OR6N1: variants seen among roughly 807,000 people sequenced by gnomAD.
OR6N1 encodes olfactory receptor 6N1.
For synonymous variants in OR6N1, 170 were observed against 150.7 expected (o/e 1.13, Z -0.94); for missense variants, 394 against 371.7 (o/e 1.06, Z -0.49).
chr1:158,808,121 CTTTTTTTTTTTTTTT>C, the OR6N1 span, among the ~76,000 whole-genome samples: 4 of 39,548 alleles, frequency 1.0e-4, no homozygotes, highest in Non-Finnish European at 1.9e-4. Context: ...CAATGACTGC[CTTTTTTTTTTTTTTT>C]TTTTTTTTTT....
the OR6N1 span, among the ~76,000 whole-genome samples, chr1:158,835,889 CA>C: frequency 4.0e-3 from 609 of 151,604 alleles, 6 homozygotes; most frequent in African/African-American, 0.013. Flanking sequence ...TTGAGATGAT[CA>C]TTTTTTTTTT....
chr1:158,777,887 G>A, the OR6N1 span, among the ~76,000 whole-genome samples: 1 of 152,152 alleles, frequency 6.6e-6, no homozygotes, highest in African/African-American at 2.4e-5. Flanking sequence ...AATGAGATAA[G>A]CACCATTGTT....
chr1:158,800,553 C>CA, the OR6N1 span, among the ~76,000 whole-genome samples: 1 of 152,168 alleles, frequency 6.6e-6, no homozygotes, highest in African/African-American at 2.4e-5. Flanking sequence ...AACTTATCCA[C>CA]ATTTAATAGG....
chr1:158,785,744 T>A, the OR6N1 span, among the ~76,000 whole-genome samples: 35 of 152,340 alleles, frequency 2.3e-4, no homozygotes, highest in African/African-American at 8.2e-4. Flanking sequence ...AAATAATATG[T>A]AACCACTTAT....
At chr1:158,792,741 T>G in the OR6N1 span, among the ~76,000 whole-genome samples, 1 of 152,240 alleles carries the variant, frequency 6.6e-6, no homozygotes, top group African/African-American at 2.4e-5. Context: ...AGATTTCCAC[T>G]GAGAAGCCTG....
chr1:158,781,393 A>G, the OR6N1 span, among the ~76,000 whole-genome samples: 1 of 152,212 alleles, frequency 6.6e-6, no homozygotes, highest in Non-Finnish European at 1.5e-5. Context: ...ACTCCTGGGA[A>G]GCCAAGTTTA....
chr1:158,795,517 C>T, the OR6N1 span, among the ~76,000 whole-genome samples: 1 of 152,234 alleles, frequency 6.6e-6, no homozygotes, highest in Non-Finnish European at 1.5e-5. Context: ...TGACCACTGC[C>T]TGATGCCAGT....
At chr1:158,797,148 T>G in the OR6N1 span, among the ~76,000 whole-genome samples, 1 of 152,238 alleles carries the variant, frequency 6.6e-6, no homozygotes, top group Non-Finnish European at 1.5e-5. Flanking sequence ...AGGCTGGGGA[T>G]GCTGCTAGCC....
chr1:158,794,658 T>C, the OR6N1 span, among the ~76,000 whole-genome samples: 831 of 152,306 alleles, frequency 5.5e-3, 1 homozygote, highest in Non-Finnish European at 9.6e-3. Context: ...TTGGCTTTCT[T>C]GAATGTCAGC....
At chr1:158,785,139 T>G in the OR6N1 span, among the ~76,000 whole-genome samples, 25 of 152,326 alleles carry the variant, frequency 1.6e-4, no homozygotes, top group East Asian at 2.7e-3. Flanking sequence ...ATGAATAGAT[T>G]TAAACCACAT....
the OR6N1 span, among the ~76,000 whole-genome samples, chr1:158,794,169 T>C: frequency 6.6e-6 from 1 of 152,166 alleles, no homozygotes; most frequent in African/African-American, 2.4e-5. Context: ...TGATTTCCCA[T>C]AGCAGAAGTC....
the OR6N1 span, chr1:158,777,694 C>CA: frequency 4.7e-6 from 5 of 1,073,410 alleles, no homozygotes; most frequent in Non-Finnish European, 6.8e-6. Context: ...CTGCTGAATC[C>CA]ATGCCAAAAC....
the OR6N1 span, among the ~76,000 whole-genome samples, chr1:158,800,795 GT>G: frequency 6.6e-6 from 1 of 152,142 alleles, no homozygotes; most frequent in Non-Finnish European, 1.5e-5. Context: ...ATTTTAAAAG[GT>G]TGTCCAGAGA....
chr1:158,829,697 T>A, the OR6N1 span, among the ~76,000 whole-genome samples: 1 of 152,230 alleles, frequency 6.6e-6, no homozygotes, highest in Non-Finnish European at 1.5e-5. Flanking sequence ...CTGGTATCTT[T>A]TCAGCAATGC....
the OR6N1 span, among the ~76,000 whole-genome samples, chr1:158,788,482 T>G: frequency 2.6e-5 from 4 of 152,122 alleles, no homozygotes; most frequent in African/African-American, 9.7e-5. Flanking sequence ...TTTTGCTTAT[T>G]TTATATATTA....
chr1:158,826,181 AC>A, the OR6N1 span, among the ~76,000 whole-genome samples: 1 of 152,138 alleles, frequency 6.6e-6, no homozygotes, highest in Non-Finnish European at 1.5e-5. Context: ...CATGCTAATT[AC>A]CTAGGTGATG....
the OR6N1 span, among the ~76,000 whole-genome samples, chr1:158,784,104 TA>T: frequency 6.6e-6 from 1 of 151,600 alleles, no homozygotes; most frequent in African/African-American, 2.4e-5. Flanking sequence ...AGACTCCCTC[TA>T]AAAAACAAAA....
chr1:158,836,070 G>A, the OR6N1 span, among the ~76,000 whole-genome samples: 1 of 151,592 alleles, frequency 6.6e-6, no homozygotes, highest in Non-Finnish European at 1.5e-5. Context: ...GCATTCCAGG[G>A]ATAAACCTTA....
At chr1:158,777,437 A>C in the OR6N1 span, 1 of 1,614,248 alleles carries the variant, frequency 6.2e-7, no homozygotes, top group Non-Finnish European at 8.5e-7. Context: ...TCCAAGAAGG[A>C]AAGAACACTG....
Sources: allele counts gnomAD v4.1 joint callset (sites outside exome capture counted in the v4.1 genomes callset), GRCh38; gene constraint gnomAD v4.1.1; transcripts MANE v1.5; gene names NCBI Gene and HGNC (gene_info 2026-07-23, HGNC 2026-07-21).